Variants in CCSER1 observed in about 807,000 individuals in gnomAD.
CCSER1 encodes coiled-coil serine rich protein 1, also known as serine-rich coiled-coil domain-containing protein 1.
A neutral mutation model predicts 82.0 loss-of-function variants in CCSER1; 41 were observed. The observed-to-expected ratio is 0.50, with a 90% confidence interval of 0.39 to 0.65. The LOEUF (loss-of-function observed/expected upper bound fraction) is 0.65, where lower values mean the gene tolerates loss of function less well. Ranked by LOEUF, CCSER1 falls within the 30% of genes least tolerant of loss-of-function variation. The pLI, the probability that CCSER1 is intolerant of heterozygous loss-of-function variation, is 0.00. For synonymous variants in CCSER1, 414 were observed against 383.9 expected, an observed-to-expected ratio of 1.08 and a Z score of -0.92; for missense variants, 1,119 against 1,064.2, an observed-to-expected ratio of 1.05 and a Z score of -0.72.
chr4:90,278,904 G>A (rs1484573076), intron 1 of CCSER1, among the ~76,000 whole-genome samples: 2 of 152,052 alleles, frequency 1.3e-5, no homozygotes, highest in Non-Finnish European at 2.9e-5. Context: ...ATTGGTTGTT[G>A]GCAAAACATT....
At chr4:90,490,710 G>T (rs1358257178) in intron 5 of CCSER1, among the ~76,000 whole-genome samples, 2 of 152,086 alleles carry the variant, frequency 1.3e-5, no homozygotes, top group Non-Finnish European at 2.9e-5. Context: ...AAGGTTTAAG[G>T]AAGGGATCCA....
intron 8 of CCSER1, among the ~76,000 whole-genome samples, chr4:90,874,432 T>C (rs2150044495): frequency 8.1e-6 from 1 of 123,068 alleles, no homozygotes; most frequent in African/African-American, 3.5e-5. Flanking sequence ...AAGTTTTTTT[T>C]CCCATAAAAA....
At chr4:90,983,770 C>T (rs1445861579) in intron 9 of CCSER1, among the ~76,000 whole-genome samples, 1 of 151,778 alleles carries the variant, frequency 6.6e-6, no homozygotes, top group Non-Finnish European at 1.5e-5. Context: ...TAAAATTTAA[C>T]ACTCAGGCAT....
intron 10 of CCSER1, among the ~76,000 whole-genome samples, chr4:91,225,675 A>G (rs1738142998): frequency 2.0e-5 from 3 of 151,894 alleles, no homozygotes; most frequent in South Asian, 4.1e-4. Flanking sequence ...GACCTGCTGC[A>G]TGTTTTGTTG....
chr4:90,811,911 A>G (rs1758357897), intron 7 of CCSER1, among the ~76,000 whole-genome samples: 1 of 15,200 alleles, frequency 6.6e-5, no homozygotes. Flanking sequence ...ATATATATAT[A>G]CACACACACA....
chr4:90,364,323 C>G (rs915375384), intron 3 of CCSER1, among the ~76,000 whole-genome samples: 1 of 151,982 alleles, frequency 6.6e-6, no homozygotes, highest in Non-Finnish European at 1.5e-5. Context: ...ACTGAATCCT[C>G]TTTATTCCAA....
intron 10 of CCSER1, among the ~76,000 whole-genome samples, chr4:91,127,606 TAAAA>T (rs1043738024): frequency 1.3e-5 from 2 of 151,940 alleles, no homozygotes; most frequent in African/African-American, 4.8e-5. Flanking sequence ...CCTGAAAAAA[TAAAA>T]AATACAAGAG....
At chr4:91,004,765 C>G (rs1738354166) in intron 9 of CCSER1, among the ~76,000 whole-genome samples, 1 of 152,128 alleles carries the variant, frequency 6.6e-6, no homozygotes, top group African/African-American at 2.4e-5. Flanking sequence ...TAAGCACTAC[C>G]TTATTTGCTC....
chr4:90,572,774 T>C (rs77965368), intron 5 of CCSER1, among the ~76,000 whole-genome samples: 5,076 of 152,318 alleles, frequency 0.033, 136 homozygotes, highest in Non-Finnish European at 0.048. Flanking sequence ...TGAAGTCCTC[T>C]GAGCTTTCTT....
At chr4:90,965,329 G>A (rs565951516) in intron 9 of CCSER1, among the ~76,000 whole-genome samples, 1 of 152,164 alleles carries the variant, frequency 6.6e-6, no homozygotes, top group African/African-American at 2.4e-5. Context: ...CACAACAAGT[G>A]CAGGGGTGTG....
At position 90,551,706 on chromosome 4, in the gene CCSER1, C is replaced by CTCTCTCTATATATATA; in HGVS notation, c.1725-76318_1725-76317insCTCTCTATATATATAT. Among the ~76,000 whole-genome samples the CTCTCTCTATATATATA allele has an allele frequency of 1.9e-3, 197 of 104,202 alleles. 1 individual carries two copies. Among genetic ancestry groups the CTCTCTCTATATATATA allele is most frequent in the African/African-American group, 6.0e-3 (131 of 21,918 alleles). The allele number at this position is 104,202 out of a possible 152,430, so 68.4% of individuals were successfully genotyped here. On this transcript the variant is annotated intron_variant, in intron 5 of 10. Transcript: ENST00000509176. Reference sequence around the variant, plus strand: ...TCTCTCTCTCTCTCTCTCTCTCTCTCTATATATATATATATATATATGTAA... The same window carrying CTCTCTCTATATATATA: ...TCTCTCTCTCTCTCTCTCTCTCTCTCTCTCTCTATATATATATATATATATATATATATATATGTAA...
intron 10 of CCSER1, among the ~76,000 whole-genome samples, chr4:91,329,512 G>A (rs1270858422): frequency 1.3e-5 from 2 of 152,162 alleles, no homozygotes; most frequent in Non-Finnish European, 2.9e-5. Context: ...TCCCATGACT[G>A]GGTGGCTTTA....
chr4:91,455,419 A>G (rs1578501028), intron 10 of CCSER1, among the ~76,000 whole-genome samples: 1 of 152,038 alleles, frequency 6.6e-6, no homozygotes, highest in East Asian at 1.9e-4. Context: ...CATCAGGAAT[A>G]GGATTGAGAT....
intron 1 of CCSER1, among the ~76,000 whole-genome samples, chr4:90,294,750 ATT>A (rs1269326420): frequency 1.3e-5 from 2 of 152,050 alleles, no homozygotes; most frequent in African/African-American, 4.8e-5. Context: ...GAAGCATCGT[ATT>A]ACATATAACA....
chr4:90,446,254 T>C (rs1363781577), intron 4 of CCSER1, among the ~76,000 whole-genome samples: 1 of 152,206 alleles, frequency 6.6e-6, no homozygotes, highest in East Asian at 1.9e-4. Flanking sequence ...AATTAACATA[T>C]TAAAAATCCA....
intron 10 of CCSER1, among the ~76,000 whole-genome samples, chr4:91,322,255 G>C (rs1046678693): frequency 6.6e-6 from 1 of 151,984 alleles, no homozygotes; most frequent in Non-Finnish European, 1.5e-5. Flanking sequence ...TCACTGATCT[G>C]TCCCTTGACA....
At chr4:90,925,060 G>A (rs1344296140) in intron 9 of CCSER1, among the ~76,000 whole-genome samples, 1 of 152,104 alleles carries the variant, frequency 6.6e-6, no homozygotes, top group African/African-American at 2.4e-5. Context: ...TTATATGCTA[G>A]TCCTTAGGAT....
intron 10 of CCSER1, among the ~76,000 whole-genome samples, chr4:91,405,187 T>C (rs573714374): frequency 2.0e-5 from 3 of 151,964 alleles, no homozygotes; most frequent in African/African-American, 7.2e-5. Context: ...GTTGGTTTAA[T>C]GTCTGTTTTA....
chr4:91,532,527 A>G (rs1022431847), intron 10 of CCSER1, among the ~76,000 whole-genome samples: 1 of 152,214 alleles, frequency 6.6e-6, no homozygotes, highest in Admixed American at 6.5e-5. Flanking sequence ...GATAAAAGGC[A>G]AAGTAATTTG....
Sources: gnomAD v4.1 joint callset for allele counts (sites outside exome capture counted in the v4.1 genomes callset) on GRCh38, gnomAD v4.1.1 for gene constraint, MANE v1.5 for transcripts, NCBI Gene and HGNC (gene_info 2026-07-23, HGNC 2026-07-21) for gene names.